The following PCDHGA11 variants were observed in gnomAD, a reference collection of about 807,000 sequenced individuals.
PCDHGA11 encodes protocadherin gamma-A11.
A neutral mutation model predicts 60.4 loss-of-function variants in PCDHGA11; 39 were observed. The ratio of observed to expected loss-of-function variants is 0.65; its 90% CI spans 0.50 to 0.84. The LOEUF (loss-of-function observed/expected upper bound fraction) is 0.84. PCDHGA11 is among the 40% of genes least tolerant of loss of function. The pLI is 0.00. For synonymous variants in PCDHGA11, 533 were observed against 510.3 expected (o/e 1.04, Z -0.60); for missense variants, 1,165 against 1,197.7 (o/e 0.97, Z 0.40).
intron 1 of PCDHGA11, among the ~76,000 whole-genome samples, chr5:141,437,450 G>A (rs2097885331): frequency 6.6e-6 from 1 of 152,148 alleles, no homozygotes; most frequent in Non-Finnish European, 1.5e-5. Context: ...GAATGTTGAG[G>A]AGACTATACT....
rs1266310917 is a variant in PCDHGA11 at position 141,486,868 on chromosome 5, G to A, written c.2434-7939G>A. 2 of 1,614,104 alleles carry A rather than the reference G, an allele frequency of 1.2e-6. No homozygotes were observed. Among genetic ancestry groups the A allele is most frequent in the Non-Finnish European group, 1.7e-6 (2 of 1,180,056 alleles). ...ACCTCAATGACAATGCTCCAGCTGT[G>A]CTCCGTCCTCGGGCCCGGCCTGGTT... On this transcript the variant is annotated intron_variant, in intron 1 of 3. Transcript: ENST00000398587. The surrounding 1 kb of genome is among the most constrained non-coding windows in gnomAD (Gnocchi z 5.0).
rs1340147578 is a variant in PCDHGA11, at chr5:141,487,141, T to C, written c.2434-7666T>C. On this transcript the variant is annotated intron_variant, in intron 1 of 3. Transcript: ENST00000398587. This position sits in a 1 kb window ranked among gnomAD's most constrained non-coding sequence, Gnocchi z 5.0. ...AGGATAGTGGTAGTCCACCACTCTCTACCTCTGTTACTCTCTTAGTGTCCT... is the reference window on the plus strand; with the variant it reads ...AGGATAGTGGTAGTCCACCACTCTCCACCTCTGTTACTCTCTTAGTGTCCT... The C allele has an allele frequency of 1.2e-6, 2 of 1,613,882 alleles. No individual in the cohort carries two copies. Among genetic ancestry groups the C allele is most frequent in the African/African-American group, 2.7e-5 (2 of 74,934 alleles).
chr5:141,423,782 C>T (rs1458189260), intron 1 of PCDHGA11, 122 bp downstream of exon 1: 9 of 1,243,226 alleles, frequency 7.2e-6, no homozygotes, highest in Non-Finnish European at 9.3e-6. Flanking sequence ...ATATTTAGTT[C>T]ATATATATTT....
intron 1 of PCDHGA11, among the ~76,000 whole-genome samples, chr5:141,436,150 T>A (rs1270913305): frequency 6.6e-6 from 1 of 152,182 alleles, no homozygotes; most frequent in African/African-American, 2.4e-5. Flanking sequence ...ACTACCAAAA[T>A]GTTTATCATA....
In PCDHGA11 at chr5:141,486,432, G is replaced by T; in HGVS notation, c.2434-8375G>T. On this transcript the variant is annotated intron_variant, in intron 1 of 3. Coordinates refer to ENST00000398587, the MANE Select transcript of PCDHGA11 (RefSeq NM_018914.3). This position sits in a 1 kb window ranked among gnomAD's most constrained non-coding sequence, Gnocchi z 5.0. ...CCCTTGGATCGAGAGGCCAAATCTA[G>T]CTATGACATCATGGTCACTGCTTCT... 4 of 1,614,172 alleles carry T rather than the reference G, an allele frequency of 2.5e-6. No homozygotes were observed. Among genetic ancestry groups the T allele is most frequent in the Non-Finnish European group, 2.5e-6 (3 of 1,180,020 alleles).
chr5:141,433,208 CTTTT>C (rs745329085), intron 1 of PCDHGA11: 3 of 1,293,778 alleles, frequency 2.3e-6, no homozygotes, highest in African/African-American at 1.5e-5. Flanking sequence ...AATCTTCTTT[CTTTT>C]TTTTTTTTAA....
chr5:141,459,139 A>G (rs1592605909), intron 1 of PCDHGA11, among the ~76,000 whole-genome samples: 1 of 152,360 alleles, frequency 6.6e-6, no homozygotes, highest in Non-Finnish European at 1.5e-5. Flanking sequence ...ACCACCATGC[A>G]ATCAAAATAT....
At chr5:141,496,733 C>T (rs1221912777) in intron 2 of PCDHGA11, among the ~76,000 whole-genome samples, 12 of 152,138 alleles carry the variant, frequency 7.9e-5, no homozygotes, top group African/African-American at 9.7e-5. Context: ...TGTATTCATT[C>T]GTTCATTTAT....
In PCDHGA11 at chr5:141,476,599, TC is replaced by T; in HGVS notation, c.2434-18205del. The T allele has an allele frequency of 6.2e-7, 1 of 1,614,210 alleles. No individual in the cohort carries two copies. ...GCTTTCCGCTCGAGAGCGCGCACGA[TC>T]CCGATGTGGGAAGCAACTCTTTACA... is the stretch of plus-strand genomic sequence containing the variant. On this transcript the variant is annotated intron_variant, in intron 1 of 3. Transcript: ENST00000398587. This position sits in a 1 kb window ranked among gnomAD's most constrained non-coding sequence, Gnocchi z 7.6.
At chr5:141,501,901 C>T (rs1595767273) in intron 2 of PCDHGA11, among the ~76,000 whole-genome samples, 1 of 152,070 alleles carries the variant, frequency 6.6e-6, no homozygotes, top group Non-Finnish European at 1.5e-5. Context: ...TGGTTCCAAC[C>T]CCACTGTTCC....
chr5:141,486,869 C>G lies in PCDHGA11; in HGVS notation c.2434-7938C>G. On this transcript the variant is annotated intron_variant, in intron 1 of 3. Transcript: ENST00000398587. This position sits in a 1 kb window ranked among gnomAD's most constrained non-coding sequence, Gnocchi z 5.0. ...CCTCAATGACAATGCTCCAGCTGTG[C>G]TCCGTCCTCGGGCCCGGCCTGGTTC... The G allele has an allele frequency of 6.2e-7, 1 of 1,614,246 alleles. No homozygotes were observed. The highest frequency in any genetic ancestry group is 8.5e-7 in the Non-Finnish European group (1 of 1,180,042).
At chr5:141,468,746 G>A (rs1298497433) in intron 1 of PCDHGA11, among the ~76,000 whole-genome samples, 1 of 151,850 alleles carries the variant, frequency 6.6e-6, no homozygotes, top group Non-Finnish European at 1.5e-5. Flanking sequence ...GGTGCCTGTA[G>A]TCCCAGCTAC....
At chr5:141,473,884 G>T (rs1162382168) in intron 1 of PCDHGA11, among the ~76,000 whole-genome samples, 1 of 152,162 alleles carries the variant, frequency 6.6e-6, no homozygotes, top group African/African-American at 2.4e-5. Context: ...ATACACAAGG[G>T]TTCTGTTGGT....
At chr5:141,505,552 T>C (rs920594597) in intron 3 of PCDHGA11, 71 bp downstream of exon 3, 8 of 1,608,230 alleles carry the variant, frequency 5.0e-6, no homozygotes, top group Non-Finnish European at 6.8e-6. Context: ...ACAGCCACCA[T>C]GCCCACGGAC....
intron 1 of PCDHGA11, chr5:141,441,751 A>G (rs946329290): frequency 5.3e-6 from 2 of 378,094 alleles, no homozygotes; most frequent in African/African-American, 2.2e-5. Flanking sequence ...CTCGGCGTCA[A>G]CGTGAGCCTG....
rs975619932 is a variant in PCDHGA11 at position 141,421,535 on chromosome 5, G to GT, written c.314dup (p.Leu105PhefsTer24). 8 of 1,614,032 alleles carry GT rather than the reference G, an allele frequency of 5.0e-6. No individual in the cohort carries two copies. The highest frequency in any genetic ancestry group is 6.8e-6 in the Non-Finnish European group (8 of 1,179,904). On this transcript the variant is annotated frameshift_variant, in exon 1 of 4. Coordinates refer to ENST00000398587, the MANE Select transcript of PCDHGA11 (RefSeq NM_018914.3). LOFTEE classifies it high-confidence loss of function. Reference sequence around the variant, plus strand: ...GAGCTCTGTGAGACGGTGTCCTCCTGTTTTTTAAATATGGAACTTCTCGTG... The same window carrying GT: ...GAGCTCTGTGAGACGGTGTCCTCCTGTTTTTTTAAATATGGAACTTCTCGTG...
intron 1 of PCDHGA11, among the ~76,000 whole-genome samples, chr5:141,484,288 C>T (rs1300726429): frequency 6.6e-6 from 1 of 152,176 alleles, no homozygotes; most frequent in African/African-American, 2.4e-5. Context: ...AAACATCTCC[C>T]TCTCCTGGCT....
At chr5:141,501,602 A>T (rs766918685) in intron 2 of PCDHGA11, among the ~76,000 whole-genome samples, 1 of 152,026 alleles carries the variant, frequency 6.6e-6, no homozygotes. Flanking sequence ...TACCAGTTCC[A>T]GCTGTGTGAC....
Position 141,512,288 on chromosome 5 carries a change from TCAGCGGAGCCCCAGCAGGAAGGGTGGGC to T in PCDHGA11, c.*1120_*1147del, listed in dbSNP as rs1375137843. The T allele has an allele frequency of 6.5e-6, 1 of 152,680 alleles. No individual in the cohort carries two copies. Among genetic ancestry groups the T allele is most frequent in the Non-Finnish European group, 1.5e-5 (1 of 68,182 alleles). The allele number at this position is 152,680 out of a possible 1,614,324, so 9.5% of individuals were successfully genotyped here. ...TCCAGAGGTGCCACTGGTGGAAGGG[TCAGCGGAGCCCCAGCAGGAAGGGTGGGC>T]CAGCCAGGCCATTCTTAGTCCCTGG... On this transcript the variant is annotated 3_prime_UTR_variant, in exon 4 of 4. Coordinates refer to ENST00000398587, the MANE Select transcript of PCDHGA11 (RefSeq NM_018914.3).
Sources: gnomAD v4.1 joint callset for allele counts (sites outside exome capture counted in the v4.1 genomes callset) on GRCh38, gnomAD v4.1.1 for gene constraint, Gnocchi (gnomAD v3.1) non-coding constraint, MANE v1.5 for transcripts, NCBI Gene and HGNC (gene_info 2026-07-23, HGNC 2026-07-21) for gene names.